The following AUTS2 variants were observed in gnomAD, a reference collection of about 807,000 sequenced individuals.
AUTS2 encodes the protein activator of transcription and developmental regulator AUTS2.
A neutral mutation model predicts 112.4 loss-of-function variants in AUTS2; 17 were observed. The observed-to-expected ratio is 0.15, with a 90% CI of 0.10 to 0.23. The LOEUF (loss-of-function observed/expected upper bound fraction) is 0.23, where lower values mean the gene tolerates loss of function less well. Ranked by LOEUF, AUTS2 falls within the 10% of genes least tolerant of loss-of-function variation. AUTS2 has a pLI of 1.00. For missense variants in AUTS2, 1,510 were observed against 1,701.6 expected, an observed-to-expected ratio of 0.89 and a Z score of 1.98; for synonymous variants, 751 against 702.7, an observed-to-expected ratio of 1.07 and a Z score of -1.09.
Position 70,784,992 on chromosome 7 carries a change from A to C in AUTS2, c.2197A>C (p.Asn733His), listed in dbSNP as rs760983452. ...TTTTGGGCCACCTCCTCATCACAGC[A>C]ACTTCCTCAACCCTGCTGCCCACCT... ...TPFGPPPHHS[N>H]FLNPAAHLEP... The change falls in exon 16 of 19, where the codon AAC becomes CAC. Residue 733 changes from asparagine to histidine, a missense_variant. By Grantham distance (68) the Asn-to-His change is moderately conservative. Around this residue, in one of 3 missense-constraint regions of AUTS2, gnomAD observed 788 missense variants for 797.6 expected, o/e 0.99. Coordinates refer to ENST00000342771, the MANE Select transcript of AUTS2 (RefSeq NM_015570.4). 1.9e-6 allele frequency: 3 copies of C among 1,614,148 alleles called. No individual in the cohort carries two copies. Among genetic ancestry groups the C allele is most frequent in the Non-Finnish European group, 2.5e-6 (3 of 1,180,036 alleles).
chr7:70,535,057 A>G (rs1052130517), intron 5 of AUTS2, among the ~76,000 whole-genome samples: 67 of 151,926 alleles, frequency 4.4e-4, no homozygotes, highest in African/African-American at 1.6e-3. Flanking sequence ...AAAAAGATGT[A>G]ATGTACTGGT....
chr7:70,320,625 C>G (rs761204998), intron 4 of AUTS2, among the ~76,000 whole-genome samples: 4 of 152,174 alleles, frequency 2.6e-5, no homozygotes, highest in Non-Finnish European at 5.9e-5. Flanking sequence ...GGAGTAAGTA[C>G]TCTAGTCCAA....
chr7:70,269,446 T>C (rs1787584004), intron 4 of AUTS2, among the ~76,000 whole-genome samples: 1 of 152,148 alleles, frequency 6.6e-6, no homozygotes, highest in African/African-American at 2.4e-5. Context: ...GGGTGCCACA[T>C]GTAAGGACCC....
intron 2 of AUTS2, among the ~76,000 whole-genome samples, chr7:70,117,202 AC>A (rs1306185660): frequency 7.1e-6 from 1 of 140,558 alleles, no homozygotes; most frequent in Admixed American, 7.7e-5. Context: ...GGCACTTAAT[AC>A]ATTATTTGTT....
chr7:70,710,504 TTTC>T (rs1024971316), intron 6 of AUTS2, among the ~76,000 whole-genome samples: 8 of 152,240 alleles, frequency 5.3e-5, no homozygotes, highest in African/African-American at 1.9e-4. Context: ...ACTTCCTACT[TTTC>T]TTTTGCTAGA....
At chr7:69,636,462 T>C (rs1279495402) in intron 1 of AUTS2, among the ~76,000 whole-genome samples, 1 of 109,700 alleles carries the variant, frequency 9.1e-6, no homozygotes, top group African/African-American at 3.6e-5. Flanking sequence ...CTCGAACTCC[T>C]GACCTCAAGT....
chr7:70,602,899 G>A (rs1803547953), intron 5 of AUTS2, among the ~76,000 whole-genome samples: 1 of 152,204 alleles, frequency 6.6e-6, no homozygotes, highest in Admixed American at 6.5e-5. Context: ...CATGTGTCAG[G>A]TTGATGTCCT....
At chr7:69,602,777 A>C (rs557026795) in intron 1 of AUTS2, among the ~76,000 whole-genome samples, 1 of 152,338 alleles carries the variant, frequency 6.6e-6, no homozygotes, top group Admixed American at 6.5e-5. Context: ...CAGATTAAAA[A>C]CACACAATGG....
chr7:69,825,600 C>G (rs1791206115), intron 1 of AUTS2, among the ~76,000 whole-genome samples: 1 of 152,092 alleles, frequency 6.6e-6, no homozygotes. Context: ...GAATCCTCTG[C>G]AGCCAGTCTA....
intron 2 of AUTS2, among the ~76,000 whole-genome samples, chr7:70,066,039 T>C (rs1802474693): frequency 6.6e-6 from 1 of 152,208 alleles, no homozygotes; most frequent in African/African-American, 2.4e-5. Context: ...ATCAGTTGTG[T>C]GTTAGCAGCG....
chr7:69,764,179 G>C (rs906951687), intron 1 of AUTS2, among the ~76,000 whole-genome samples: 1 of 152,200 alleles, frequency 6.6e-6, no homozygotes, highest in Non-Finnish European at 1.5e-5. Flanking sequence ...TAGCGTAAAT[G>C]AGATGCTTTT....
At chr7:70,784,636 G>A in intron 15 of AUTS2, 2 of 343,164 alleles carry the variant, frequency 5.8e-6, no homozygotes, top group Non-Finnish European at 1.0e-5. Context: ...AGTTATCTCT[G>A]TCTTTGTAAT....
intron 2 of AUTS2, among the ~76,000 whole-genome samples, chr7:70,053,765 G>A (rs957786527): frequency 7.9e-5 from 12 of 151,970 alleles, no homozygotes; most frequent in Middle Eastern, 3.2e-3. Flanking sequence ...GGCTGGTCTC[G>A]AACTGGGCTC....
At chr7:69,609,969 G>C (rs1371797537) in intron 1 of AUTS2, among the ~76,000 whole-genome samples, 1 of 152,236 alleles carries the variant, frequency 6.6e-6, no homozygotes, top group African/African-American at 2.4e-5. Flanking sequence ...CCTGAGCATT[G>C]TGCCTTACAT....
chr7:70,192,070 T>C (rs1809929173), intron 4 of AUTS2, among the ~76,000 whole-genome samples: 1 of 152,204 alleles, frequency 6.6e-6, no homozygotes, highest in Admixed American at 6.5e-5. Context: ...TCTGTAGTTT[T>C]AGGCAAATCA....
At chr7:70,372,672 T>A (rs555485829) in intron 4 of AUTS2, among the ~76,000 whole-genome samples, 145 of 150,542 alleles carry the variant, frequency 9.6e-4, no homozygotes, top group Middle Eastern at 3.5e-3. Context: ...TTTTTTTTTT[T>A]AAAATACAAG....
chr7:70,534,780 C>A lies in AUTS2; in HGVS notation c.690+98999C>A, dbSNP rs1471035575. 5.3e-5 allele frequency among the ~76,000 whole-genome samples: 8 copies of A among 152,042 alleles called. No homozygotes were observed. The East Asian group carries it at 1.5e-3, about 29-fold the overall frequency. ...GAGCAATATCTTTACATTTTGTTACCTGTGAACACTCAGCACAGGACCATA... is the reference window on the plus strand; with the variant it reads ...GAGCAATATCTTTACATTTTGTTACATGTGAACACTCAGCACAGGACCATA... On this transcript the variant is annotated intron_variant, in intron 5 of 18. Coordinates refer to ENST00000342771, the MANE Select transcript of AUTS2 (RefSeq NM_015570.4).
chr7:70,051,059 A>G (rs1392752347), intron 2 of AUTS2, among the ~76,000 whole-genome samples: 1 of 152,228 alleles, frequency 6.6e-6, no homozygotes, highest in East Asian at 1.9e-4. Context: ...TCCCCTGCCA[A>G]GGGGATGAGC....
At chr7:69,792,690 A>T (rs1007012000) in intron 1 of AUTS2, among the ~76,000 whole-genome samples, 19 of 152,110 alleles carry the variant, frequency 1.2e-4, no homozygotes, top group African/African-American at 3.6e-4. Flanking sequence ...CTTTCCTCCC[A>T]GATTCTTAGT....
Sources: allele counts gnomAD v4.1 joint callset (sites outside exome capture counted in the v4.1 genomes callset), GRCh38; gene constraint gnomAD v4.1.1; regional missense constraint gnomAD v4.1.1; transcripts MANE v1.5; gene names NCBI Gene and HGNC (gene_info 2026-07-23, HGNC 2026-07-21).